TET2: variants seen among roughly 807,000 people sequenced by gnomAD.
TET2 encodes the protein methylcytosine dioxygenase TET2.
A neutral mutation model predicts 142.9 loss-of-function variants in TET2; 299 were observed. The ratio of observed to expected loss-of-function variants is 2.09; its 90% CI spans 1.90 to 2.30. The LOEUF (loss-of-function observed/expected upper bound fraction) is 2.30. Among genes scored for constraint, TET2 ranks in the 30% most tolerant of loss-of-function variants. The pLI, the probability that TET2 is intolerant of heterozygous loss-of-function variation, is 0.00. For synonymous variants in TET2, 819 were observed against 849.0 expected, an observed-to-expected ratio of 0.96 and a Z score of 0.61; for missense variants, 2,418 against 2,378.0, an observed-to-expected ratio of 1.02 and a Z score of -0.35.
At chr4:105,217,730 T>C (rs895679548) in intron 2 of TET2, among the ~76,000 whole-genome samples, 1 of 152,094 alleles carries the variant, frequency 6.6e-6, no homozygotes, top group Non-Finnish European at 1.5e-5. Flanking sequence ...TTTTTTAAAA[T>C]TACACGTTAA....
intron 2 of TET2, among the ~76,000 whole-genome samples, chr4:105,200,924 G>T (rs1726425005): frequency 6.6e-6 from 1 of 152,126 alleles, no homozygotes; most frequent in South Asian, 2.1e-4. Flanking sequence ...CTCCCAAAGT[G>T]CTGGGATTAC....
intron 3 of TET2, 64 bp downstream of exon 3, chr4:105,237,415 A>G: frequency 6.2e-7 from 1 of 1,613,962 alleles, no homozygotes; most frequent in Non-Finnish European, 8.5e-7. Context: ...TTATCTTCAG[A>G]TATGGGATTT....
intron 8 of TET2, among the ~76,000 whole-genome samples, chr4:105,265,058 T>TCTATGCCTGCCTTACAATTTAACAGTAGA (rs1730619389): frequency 6.6e-6 from 1 of 152,234 alleles, no homozygotes; most frequent in Non-Finnish European, 1.5e-5. Context: ...CTCTGTCTTT[T>TCTATGCCTGCCTTACAATTTAACAGTAGA]CTATGCCTGC....
intron 1 of TET2, among the ~76,000 whole-genome samples, chr4:105,152,618 G>A (rs1466176350): frequency 4.2e-5 from 5 of 120,172 alleles, no homozygotes; most frequent in Non-Finnish European, 3.4e-5. Flanking sequence ...TTTTTTTTGA[G>A]ACGGTATCTT....
chr4:105,152,427 A>G (rs138479118), intron 1 of TET2, among the ~76,000 whole-genome samples: 302 of 152,122 alleles, frequency 2.0e-3, no homozygotes, highest in Middle Eastern at 6.8e-3. Context: ...TTTTTTGTCT[A>G]TTGGAAGGTA....
In TET2 at chr4:105,234,043, T is replaced by C; in HGVS notation, c.101T>C (p.Leu34Pro). 1 of 1,614,030 alleles carries C rather than the reference T, an allele frequency of 6.2e-7. No individual in the cohort carries two copies. The highest frequency in any genetic ancestry group is 8.5e-7 in the Non-Finnish European group (1 of 1,179,994). ...CAGACAGAACCTCTGGCTACAAAGC[T>C]CCAGAATGGAAGCCCACTGCCTGAG... ...ICQTEPLATK[L>P]QNGSPLPERA... is the part of the protein sequence containing the mutation. The change falls in exon 3 of 11, where the codon CTC becomes CCC. Residue 34 changes from leucine (L) to proline (P), a missense_variant. Coordinates refer to ENST00000380013, the MANE Select transcript of TET2 (RefSeq NM_001127208.3).
chr4:105,267,127 A>G (rs1297007568), intron 8 of TET2, among the ~76,000 whole-genome samples: 5 of 152,098 alleles, frequency 3.3e-5, no homozygotes, highest in African/African-American at 1.2e-4. Context: ...ACCCAGAAAT[A>G]TATAACCAAT....
chr4:105,163,506 C>T (rs530828767), intron 1 of TET2, among the ~76,000 whole-genome samples: 2 of 152,242 alleles, frequency 1.3e-5, no homozygotes, highest in African/African-American at 4.8e-5. Flanking sequence ...ATGTATATTT[C>T]TAATAATAGC....
At chr4:105,262,287 A>C (rs911407726) in intron 8 of TET2, among the ~76,000 whole-genome samples, 2 of 152,186 alleles carry the variant, frequency 1.3e-5, no homozygotes, top group Non-Finnish European at 2.9e-5. Context: ...GTAAGTATAT[A>C]TATTTCGGTC....
rs1220986864 is a variant in TET2, at chr4:105,276,612, C to A, written c.*93C>A. ...CATGACGTGGGCAGTGGGGAAAGGTCACAGTATTCATGACAAATGTGGTGG... is the reference window on the plus strand; with the variant it reads ...CATGACGTGGGCAGTGGGGAAAGGTAACAGTATTCATGACAAATGTGGTGG... On this transcript the variant is annotated 3_prime_UTR_variant, in exon 11 of 11. Coordinates refer to ENST00000380013, the MANE Select transcript of TET2 (RefSeq NM_001127208.3). 34 of 1,361,712 alleles carry A rather than the reference C, an allele frequency of 2.5e-5. 1 individual carries two copies. Among genetic ancestry groups the A allele is most frequent in the Middle Eastern group, 3.7e-4 (2 of 5,402 alleles). The allele number at this position is 1,361,712 out of a possible 1,614,324, so 84.4% of individuals were successfully genotyped here. A position where few individuals can be genotyped will look rare whatever the true frequency, so the allele number is the denominator to read the frequency against.
rs1297691939 is a variant in TET2 at position 105,235,946 on chromosome 4, A to G, written c.2004A>G (p.Leu668=). 6.2e-7 allele frequency: 1 copy of G among 1,614,162 alleles called. No homozygotes were observed. Among genetic ancestry groups the G allele is most frequent in the East Asian group, 2.2e-5 (1 of 44,870 alleles). Residue 668 remains leucine (L), a synonymous_variant, in exon 3 of 11, where the codon TTA becomes TTG. Coordinates refer to ENST00000380013, the MANE Select transcript of TET2 (RefSeq NM_001127208.3). ...TGCACTTCTCCAAAACAGACCATTT[A>G]CCAAAAGCTCATGTGCAGTCACTGT... ...HQVHFSKTDH[L]PKAHVQSLCG...
intron 2 of TET2, among the ~76,000 whole-genome samples, chr4:105,207,291 G>C (rs1726882114): frequency 6.6e-6 from 1 of 152,112 alleles, no homozygotes; most frequent in Non-Finnish European, 1.5e-5. Context: ...AATTGCTTTA[G>C]CACAAACATG....
At chr4:105,267,000 A>G (rs1480261936) in intron 8 of TET2, among the ~76,000 whole-genome samples, 5 of 152,044 alleles carry the variant, frequency 3.3e-5, no homozygotes, top group Non-Finnish European at 7.4e-5. Context: ...AAATGGAGAA[A>G]AAAGGACATA....
intron 4 of TET2, chr4:105,242,300 C>T (rs952330529): frequency 3.7e-5 from 40 of 1,078,512 alleles, no homozygotes; most frequent in Admixed American, 2.1e-4. Flanking sequence ...GTTTTTTAAA[C>T]AAGCAGTAGG....
intron 6 of TET2, among the ~76,000 whole-genome samples, chr4:105,253,254 C>T (rs185889402): frequency 6.6e-6 from 1 of 152,270 alleles, no homozygotes; most frequent in Admixed American, 6.5e-5. Flanking sequence ...ATAGATTGCA[C>T]TGCATTTCTA....
Position 105,236,902 on chromosome 4 carries a change from G to A in TET2, c.2960G>A (p.Cys987Tyr), listed in dbSNP as rs766903162. ...MHRPIKVEPGCKPHACMHTAP... is the reference protein window; with the variant it reads ...MHRPIKVEPGYKPHACMHTAP... ...AGGCCAATTAAGGTGGAACCTGGAT[G>A]CAAGCCACATGCCTGTATGCACACA... Residue 987 changes from cysteine (C) to tyrosine (Y), a missense_variant, in exon 3 of 11, where the codon TGC becomes TAC. Physicochemically the swap from Cys to Tyr is radical, Grantham distance 194. Transcript: ENST00000380013. The A allele has an allele frequency of 6.2e-6, 10 of 1,614,100 alleles. No individual in the cohort carries two copies. In the Admixed American group the frequency reaches 8.3e-5, roughly 13 times the overall value.
At chr4:105,164,405 C>G (rs1246988106) in intron 1 of TET2, among the ~76,000 whole-genome samples, 1 of 152,160 alleles carries the variant, frequency 6.6e-6, no homozygotes, top group Non-Finnish European at 1.5e-5. Context: ...ACTAATAATT[C>G]TTATCTCATG....
intron 1 of TET2, among the ~76,000 whole-genome samples, chr4:105,153,704 A>T (rs1157181769): frequency 1.3e-5 from 2 of 152,224 alleles, no homozygotes; most frequent in Admixed American, 1.3e-4. Context: ...ATTTGAGTTA[A>T]GCAGTCTGTC....
intron 1 of TET2, among the ~76,000 whole-genome samples, chr4:105,153,661 A>G (rs969835234): frequency 4.6e-5 from 7 of 152,348 alleles, no homozygotes; most frequent in Admixed American, 3.9e-4. Flanking sequence ...CCTTAAGTTC[A>G]TACAGCCTAT....
Sources: allele counts gnomAD v4.1 joint callset (sites outside exome capture counted in the v4.1 genomes callset), GRCh38; gene constraint gnomAD v4.1.1; transcripts MANE v1.5; gene names NCBI Gene and HGNC (gene_info 2026-07-23, HGNC 2026-07-21).